Variants in LYRM4 observed in about 807,000 individuals in gnomAD.
LYRM4 encodes LYR motif-containing protein 4.
LYRM4 carries 9 observed loss-of-function variants against 11.7 expected under a neutral mutation model. That is an observed-to-expected ratio of 0.77 (90% CI 0.46 to 1.34). The LOEUF is 1.34. Among genes scored for constraint, LYRM4 ranks in the 40% most tolerant of loss-of-function variants. LYRM4 has a pLI of 0.00. For missense variants in LYRM4, 133 were observed against 112.5 expected (o/e 1.18, Z -0.82); for synonymous variants, 42 against 40.4 (o/e 1.04, Z -0.15).
chr6:5,141,583 T>C lies in LYRM4; in HGVS notation c.208-32092A>G, dbSNP rs185153133. Among the ~76,000 whole-genome samples, 460 of 152,246 alleles carry C rather than the reference T, an allele frequency of 3.0e-3. 2 individuals are homozygous for C. Among genetic ancestry groups the C allele is most frequent in the African/African-American group, 0.011 (444 of 41,536 alleles). ...GCATACTAACATCAAACATGACAGC[T>C]GGAAAAAGTTTAACTGATAATTTAG... is the stretch of plus-strand genomic sequence containing the variant. On this transcript the variant is annotated intron_variant, in intron 2 of 2. Coordinates refer to ENST00000330636, the MANE Select transcript of LYRM4 (RefSeq NM_020408.6).
the LYRM4 span, among the ~76,000 whole-genome samples, chr6:5,091,713 G>C: frequency 6.6e-6 from 1 of 152,180 alleles, no homozygotes; most frequent in Non-Finnish European, 1.5e-5. Context: ...TGGTACTAGA[G>C]GAATCAAATA....
intron 2 of LYRM4, among the ~76,000 whole-genome samples, chr6:5,127,099 G>A (rs1273908333): frequency 1.3e-5 from 2 of 152,104 alleles, no homozygotes; most frequent in African/African-American, 2.4e-5. Flanking sequence ...ACAGGCACCC[G>A]CCACCACACC....
chr6:5,162,426 C>T (rs1252668872), intron 2 of LYRM4, among the ~76,000 whole-genome samples: 1 of 151,962 alleles, frequency 6.6e-6, no homozygotes, highest in Non-Finnish European at 1.5e-5. Context: ...TGACCCTCGA[C>T]AGTGAGCCTG....
Position 5,245,224 on chromosome 6 carries a change from C to A in LYRM4, c.86+15424G>T, listed in dbSNP as rs1227006020. On this transcript the variant is annotated intron_variant, in intron 1 of 2. Transcript: ENST00000330636. ...ATAAATTTGGTTTGGGAAAACAGCA[C>A]CTGATCTTAAAATTCTATGGGAATC... is the stretch of plus-strand genomic sequence containing the variant. 4.4e-5 allele frequency among the ~76,000 whole-genome samples: 6 copies of A among 135,140 alleles called. No individual in the cohort carries two copies. The South Asian group carries it at 1.0e-3, about 23-fold the overall frequency. 88.7% of individuals were successfully genotyped at this position (135,140 alleles called of 152,430 possible).
the LYRM4 span, among the ~76,000 whole-genome samples, chr6:5,073,370 AAT>A: frequency 6.6e-6 from 1 of 151,706 alleles, no homozygotes; most frequent in Non-Finnish European, 1.5e-5. Flanking sequence ...ACTGTTAAAA[AAT>A]ATATATATTT....
the LYRM4 span, chr6:5,086,859 CA>C: frequency 2.3e-6 from 1 of 438,740 alleles, no homozygotes; most frequent in East Asian, 3.9e-5. Context: ...AAGAAACTTC[CA>C]AGGCCCGGAG....
intron 1 of LYRM4, among the ~76,000 whole-genome samples, chr6:5,237,256 G>C (rs1763604072): frequency 6.6e-6 from 1 of 152,086 alleles, no homozygotes; most frequent in African/African-American, 2.4e-5. Flanking sequence ...TCCACCTCCT[G>C]TCAGATCAGT....
the LYRM4 span, among the ~76,000 whole-genome samples, chr6:5,073,506 ATC>A: frequency 6.7e-6 from 1 of 148,152 alleles, no homozygotes; most frequent in Non-Finnish European, 1.5e-5. Flanking sequence ...CTCTATATAT[ATC>A]TCTCTATATA....
intron 1 of LYRM4, among the ~76,000 whole-genome samples, chr6:5,225,411 T>G (rs900770986): frequency 2.0e-5 from 3 of 152,178 alleles, no homozygotes; most frequent in African/African-American, 7.2e-5. Context: ...TCTGGAGACA[T>G]TAGGTTCATA....
intron 2 of LYRM4, among the ~76,000 whole-genome samples, chr6:5,198,193 C>T (rs772474594): frequency 4.0e-5 from 6 of 151,796 alleles, no homozygotes; most frequent in Admixed American, 2.6e-4. Flanking sequence ...AGTGAGACTC[C>T]GTCTCAAAGA....
intron 2 of LYRM4, among the ~76,000 whole-genome samples, chr6:5,177,331 A>C (rs1759778034): frequency 6.6e-6 from 1 of 152,238 alleles, no homozygotes; most frequent in Admixed American, 6.5e-5. Flanking sequence ...AGTTAGGGAT[A>C]AGCATGTCCT....
At chr6:5,071,572 G>GTA in the LYRM4 span, among the ~76,000 whole-genome samples, 2 of 151,470 alleles carry the variant, frequency 1.3e-5, no homozygotes, top group African/African-American at 4.9e-5. Flanking sequence ...ATATGTATAT[G>GTA]TATATATATG....
At chr6:5,064,656 C>T in the LYRM4 span, among the ~76,000 whole-genome samples, 1 of 152,174 alleles carries the variant, frequency 6.6e-6, no homozygotes, top group Non-Finnish European at 1.5e-5. Context: ...CCTCTCGCCT[C>T]AGCCTCCCAA....
At chr6:5,218,431 G>C in intron 1 of LYRM4, 1 of 969,590 alleles carries the variant, frequency 1.0e-6, no homozygotes, top group Non-Finnish European at 1.2e-6. Context: ...AATTGTTTCA[G>C]ATAAAGTTTT....
the LYRM4 span, among the ~76,000 whole-genome samples, chr6:5,094,957 G>T: frequency 6.6e-6 from 1 of 152,112 alleles, no homozygotes. Flanking sequence ...AATTTACTGT[G>T]TATTTAAAAG....
At chr6:5,209,437 C>A (rs1404257198) in intron 2 of LYRM4, among the ~76,000 whole-genome samples, 1 of 152,106 alleles carries the variant, frequency 6.6e-6, no homozygotes, top group Admixed American at 6.5e-5. Context: ...TTGCACCCAG[C>A]CTATTATTAC....
the LYRM4 span, among the ~76,000 whole-genome samples, chr6:5,060,044 T>A: frequency 1.3e-5 from 2 of 152,228 alleles, no homozygotes; most frequent in African/African-American, 4.8e-5. Context: ...CCCTCCAACA[T>A]GAAATCTGGA....
downstream of LYRM4, chr6:5,103,039 C>A (rs1762551487): frequency 6.6e-6 from 1 of 152,170 alleles, no homozygotes; most frequent in South Asian, 2.1e-4. Flanking sequence ...CCATTTTCAT[C>A]CATGGTTCCC....
intron 2 of LYRM4, among the ~76,000 whole-genome samples, chr6:5,198,088 C>G (rs149016114): frequency 0.018 from 2,716 of 152,078 alleles, 76 homozygotes; most frequent in African/African-American, 0.062. Context: ...ATCTCAGCTA[C>G]TTAGGAGGCT....
Sources: allele counts gnomAD v4.1 joint callset (sites outside exome capture counted in the v4.1 genomes callset), GRCh38; gene constraint gnomAD v4.1.1; transcripts MANE v1.5; gene names NCBI Gene and HGNC (gene_info 2026-07-23, HGNC 2026-07-21).